The following MSANTD1 variants were observed in gnomAD, a reference collection of about 807,000 sequenced individuals.
MSANTD1 encodes myb/SANT-like DNA-binding domain-containing protein 1.
A neutral mutation model predicts 24.2 loss-of-function variants in MSANTD1; 7 were observed. That is an observed-to-expected ratio of 0.29 (90% CI 0.16 to 0.54). The LOEUF (loss-of-function observed/expected upper bound fraction) is 0.54. MSANTD1 is among the 20% of genes least tolerant of loss of function. MSANTD1 has a pLI of 0.94. For missense variants in MSANTD1, 384 were observed against 408.2 expected, an observed-to-expected ratio of 0.94 and a Z score of 0.51; for synonymous variants, 177 against 181.1, an observed-to-expected ratio of 0.98 and a Z score of 0.18.
chr4:3,249,578 G>A (rs773732971), intron 1 of MSANTD1, 36 bp downstream of exon 1: 3 of 1,564,870 alleles, frequency 1.9e-6, no homozygotes, highest in South Asian at 2.3e-5. Flanking sequence ...CACCAGGACG[G>A]GCGGGCCCGG....
Position 3,256,135 on chromosome 4 carries a change from C to CA in MSANTD1, c.*171dup. ...TCTGAGGGGTATTTTGAGGAACCCC[C>CA]AGGCCCTGGGGACCGTGAGGCTCCA... On this transcript the variant is annotated 3_prime_UTR_variant, in exon 3 of 3. Coordinates refer to ENST00000438480, the MANE Select transcript of MSANTD1 (RefSeq NM_001042690.2). The CA allele has an allele frequency of 1.3e-6, 1 of 786,710 alleles. No individual in the cohort carries two copies. Among genetic ancestry groups the CA allele is most frequent in the Non-Finnish European group, 1.9e-6 (1 of 539,138 alleles). 48.7% of individuals were successfully genotyped at this position (786,710 alleles called of 1,614,324 possible). A position where few individuals can be genotyped will look rare whatever the true frequency, so the allele number is the denominator to read the frequency against.
At chr4:3,246,608 C>A, upstream of MSANTD1, 3 of 683,524 alleles carry the variant, frequency 4.4e-6, no homozygotes, top group Admixed American at 2.1e-5. Context: ...GGTTGACCAG[C>A]CTCTGGCCCT....
chr4:3,252,194 A>T (rs1292364505), intron 1 of MSANTD1, among the ~76,000 whole-genome samples: 2 of 152,228 alleles, frequency 1.3e-5, no homozygotes, highest in East Asian at 1.9e-4. Context: ...TACTGGGTCC[A>T]GTGAGGCAGA....
At chr4:3,250,086 G>A (rs973741698) in intron 1 of MSANTD1, among the ~76,000 whole-genome samples, 2 of 152,200 alleles carry the variant, frequency 1.3e-5, no homozygotes, top group Admixed American at 6.5e-5. Context: ...TCTGCCATGA[G>A]CCGGTGAGCC....
intron 2 of MSANTD1, among the ~76,000 whole-genome samples, chr4:3,253,969 A>G (rs1358325647): frequency 1.3e-5 from 2 of 152,198 alleles, no homozygotes; most frequent in African/African-American, 2.4e-5. Context: ...TGCCGTGGGC[A>G]TGACCCGTCC....
At position 3,255,895 on chromosome 4, in the gene MSANTD1, T is replaced by A. The variant is rs1379459215; in HGVS notation, c.767T>A (p.Val256Glu). The A allele has an allele frequency of 5.2e-6, 8 of 1,545,360 alleles. No homozygotes were observed. The highest frequency in any genetic ancestry group is 6.1e-6 in the Non-Finnish European group (7 of 1,146,132). The change falls in exon 3 of 3, where the codon GTG becomes GAG. Residue 256 changes from valine to glutamate, a missense_variant. By Grantham distance (121) the Val-to-Glu change is moderately radical (BLOSUM62 -2). Coordinates refer to ENST00000438480, the MANE Select transcript of MSANTD1 (RefSeq NM_001042690.2). ...RVLDQQHILQ[V>E]QSLQLQERMM... Reference sequence around the variant, plus strand: ...CTGGACCAGCAGCACATCCTGCAGGTGCAGAGCCTGCAGCTGCAGGAGCGC... The same window carrying A: ...CTGGACCAGCAGCACATCCTGCAGGAGCAGAGCCTGCAGCTGCAGGAGCGC...
chr4:3,247,530 C>T (rs144933628), upstream of MSANTD1: 2,078 of 152,326 alleles, frequency 0.014, 18 homozygotes, highest in Non-Finnish European at 0.024. Flanking sequence ...GCAGGCACTC[C>T]ACAGAGCTCT....
intron 2 of MSANTD1, among the ~76,000 whole-genome samples, chr4:3,255,286 C>T (rs1164459570): frequency 4.6e-5 from 7 of 150,720 alleles, no homozygotes; most frequent in Non-Finnish European, 8.9e-5. Flanking sequence ...AGCAGTGGCG[C>T]GATCTTGGCT....
intron 1 of MSANTD1, among the ~76,000 whole-genome samples, chr4:3,251,175 T>C (rs561111780): frequency 1.3e-5 from 2 of 152,352 alleles, no homozygotes; most frequent in East Asian, 1.9e-4. Flanking sequence ...CGTGGCCTCC[T>C]AGTCCTGCTC....
upstream of MSANTD1, chr4:3,249,127 T>C: frequency 1.7e-6 from 2 of 1,161,932 alleles, no homozygotes; most frequent in South Asian, 2.4e-5. Context: ...ACGTTTCCCG[T>C]TTAAAAGCTT....
upstream of MSANTD1, among the ~76,000 whole-genome samples, chr4:3,246,966 C>G (rs546950269): frequency 2.0e-4 from 30 of 152,304 alleles, no homozygotes; most frequent in African/African-American, 6.7e-4. Flanking sequence ...CCTGCGCCCA[C>G]TGGAACTCGG....
At chr4:3,250,939 G>A (rs1033018703) in intron 1 of MSANTD1, among the ~76,000 whole-genome samples, 3 of 152,370 alleles carry the variant, frequency 2.0e-5, no homozygotes, top group Admixed American at 6.5e-5. Context: ...TGAGGTCTCC[G>A]CTTTCAGTTG....
chr4:3,244,402 C>T (rs1483529574), upstream of MSANTD1: 1 of 152,346 alleles, frequency 6.6e-6, no homozygotes, highest in Non-Finnish European at 1.5e-5. Flanking sequence ...CAGGGCCCAC[C>T]ACCCTTCCAC....
upstream of MSANTD1, chr4:3,246,780 G>T: frequency 1.6e-6 from 1 of 619,530 alleles, no homozygotes; most frequent in Non-Finnish European, 2.9e-6. Flanking sequence ...CCTCACATTG[G>T]AGGTCAGTGT....
chr4:3,255,668 C>A, intron 2 of MSANTD1, 57 bp from the exon 3 acceptor site: 1 of 1,464,312 alleles, frequency 6.8e-7, no homozygotes, highest in Non-Finnish European at 9.0e-7. Flanking sequence ...CCGGTGAGGC[C>A]CCTGGTGTGC....
intron 1 of MSANTD1, 49 bp downstream of exon 1, chr4:3,249,591 G>C (rs767773312): frequency 1.3e-6 from 2 of 1,512,516 alleles, no homozygotes; most frequent in African/African-American, 1.4e-5. Context: ...GGGCCCGGGC[G>C]TGGCGGGCCG....
At chr4:3,245,972 C>A (rs1029977859), upstream of MSANTD1, among the ~76,000 whole-genome samples, 4 of 152,154 alleles carry the variant, frequency 2.6e-5, no homozygotes, top group African/African-American at 9.7e-5. Flanking sequence ...TGCACAGGCC[C>A]CTGCCCTCCA....
At position 3,255,938 on chromosome 4, in the gene MSANTD1, G is replaced by A; in HGVS notation, c.810G>A (p.Glu270=). 6.5e-7 allele frequency: 1 copy of A among 1,541,386 alleles called. No homozygotes were observed. Among genetic ancestry groups the A allele is most frequent in the Non-Finnish European group, 8.7e-7 (1 of 1,143,788 alleles). Residue 270 remains glutamate, a synonymous_variant, in exon 3 of 3, where the codon GAG becomes GAA. Transcript: ENST00000438480. ...QLQERMMSLL[E]RIITKSSV is the part of the protein sequence containing the mutation. Reference sequence around the variant, plus strand: ...AGGAGCGCATGATGAGTCTGCTGGAGAGGATCATCACCAAGTCCAGCGTCT... The same window carrying A: ...AGGAGCGCATGATGAGTCTGCTGGAAAGGATCATCACCAAGTCCAGCGTCT...
chr4:3,249,353 G>T lies in MSANTD1; in HGVS notation c.131G>T (p.Arg44Leu). The T allele has an allele frequency of 6.4e-7, 1 of 1,555,908 alleles. No individual in the cohort carries two copies. Among genetic ancestry groups the T allele is most frequent in the Non-Finnish European group, 8.7e-7 (1 of 1,149,948 alleles). Residue 44 changes from arginine to leucine, a missense_variant, in exon 1 of 3, where the codon CGC (arginine) becomes CTC (leucine). Coordinates refer to ENST00000438480, the MANE Select transcript of MSANTD1 (RefSeq NM_001042690.2). ...SPQAEKHRRA[R>L]NWTDAEMRGL... Reference sequence around the variant, plus strand: ...CAGGCGGAGAAGCACCGGCGGGCCCGCAACTGGACGGACGCCGAGATGCGC... The same window carrying T: ...CAGGCGGAGAAGCACCGGCGGGCCCTCAACTGGACGGACGCCGAGATGCGC...
Sources: allele counts gnomAD v4.1 joint callset (sites outside exome capture counted in the v4.1 genomes callset), GRCh38; gene constraint gnomAD v4.1.1; transcripts MANE v1.5; gene names NCBI Gene and HGNC (gene_info 2026-07-23, HGNC 2026-07-21).